Variants in RBFOX3 observed in about 807,000 individuals in gnomAD.
RBFOX3 encodes RNA binding protein fox-1 homolog 3.
A neutral mutation model predicts 48.7 loss-of-function variants in RBFOX3; 17 were observed. The observed-to-expected ratio is 0.35, with a 90% CI of 0.24 to 0.52. The LOEUF (loss-of-function observed/expected upper bound fraction) is 0.52, where lower values mean the gene tolerates loss of function less well. Ranked by LOEUF, RBFOX3 falls within the 20% of genes least tolerant of loss-of-function variation. RBFOX3 has a pLI of 0.94. For synonymous variants in RBFOX3, 212 were observed against 209.5 expected, an observed-to-expected ratio of 1.01 and a Z score of -0.10; for missense variants, 382 against 497.5, an observed-to-expected ratio of 0.77 and a Z score of 2.21.
intron 2 of RBFOX3, among the ~76,000 whole-genome samples, chr17:79,468,746 T>TAG (rs2076653479): frequency 6.8e-6 from 1 of 146,422 alleles, no homozygotes; most frequent in African/African-American, 2.5e-5. Context: ...GGCAGGCAGA[T>TAG]AGACAGGAGG....
At chr17:79,223,702 G>T (rs2147511299) in intron 4 of RBFOX3, among the ~76,000 whole-genome samples, 1 of 152,314 alleles carries the variant, frequency 6.6e-6, no homozygotes, top group South Asian at 2.1e-4. Flanking sequence ...AGAAAGAGGG[G>T]CCGGGGTGCA....
At chr17:79,197,499 C>T (rs1486081711) in intron 4 of RBFOX3, among the ~76,000 whole-genome samples, 1 of 150,980 alleles carries the variant, frequency 6.6e-6, no homozygotes, top group African/African-American at 2.4e-5. Context: ...AGCGATTCTC[C>T]TGCCTCAGCC....
chr17:79,610,611 G>A (rs2093951083), intron 1 of RBFOX3, among the ~76,000 whole-genome samples: 3 of 151,950 alleles, frequency 2.0e-5, no homozygotes. Context: ...CAGCCCCGGA[G>A]GGACCCAGGG....
intron 3 of RBFOX3, among the ~76,000 whole-genome samples, chr17:79,277,304 G>GC (rs1491482077): frequency 2.3e-4 from 8 of 34,654 alleles, no homozygotes; most frequent in Admixed American, 5.8e-4. Context: ...ATGGTGGGGA[G>GC]GGGGGGGGTA....
chr17:79,549,761 C>G (rs2090948847), intron 1 of RBFOX3, among the ~76,000 whole-genome samples: 1 of 152,170 alleles, frequency 6.6e-6, no homozygotes, highest in African/African-American at 2.4e-5. Flanking sequence ...ACCATGGGGC[C>G]AAATATCACA....
chr17:79,488,796 C>G (rs1168482335), intron 1 of RBFOX3, among the ~76,000 whole-genome samples: 6 of 152,200 alleles, frequency 3.9e-5, no homozygotes, highest in African/African-American at 1.4e-4. Flanking sequence ...AAGGGCTTTG[C>G]ACTAAATCAC....
the RBFOX3 span, among the ~76,000 whole-genome samples, chr17:79,632,781 G>A: frequency 6.6e-6 from 1 of 151,034 alleles, no homozygotes; most frequent in East Asian, 1.9e-4. Context: ...GCCTGATGGT[G>A]CACACCTGTG....
chr17:79,167,864 C>T (rs969385892), intron 4 of RBFOX3, among the ~76,000 whole-genome samples: 4 of 152,204 alleles, frequency 2.6e-5, no homozygotes, highest in Non-Finnish European at 2.9e-5. Flanking sequence ...AGAGCTCATC[C>T]GGGACCCTCC....
At chr17:79,654,279 G>C in the RBFOX3 span, among the ~76,000 whole-genome samples, 1 of 152,184 alleles carries the variant, frequency 6.6e-6, no homozygotes, top group African/African-American at 2.4e-5. Flanking sequence ...GGACTCTCCA[G>C]CCCCTGAGCC....
At chr17:79,174,160 C>A (rs918347077) in intron 4 of RBFOX3, among the ~76,000 whole-genome samples, 1 of 152,144 alleles carries the variant, frequency 6.6e-6, no homozygotes, top group South Asian at 2.1e-4. Context: ...GGTGAAAACA[C>A]CTGGTAGAAG....
the RBFOX3 span, among the ~76,000 whole-genome samples, chr17:79,618,297 A>G: frequency 6.6e-6 from 1 of 152,028 alleles, no homozygotes; most frequent in Non-Finnish European, 1.5e-5. Context: ...GCCGCAGTCC[A>G]CTCAGGGGCC....
chr17:79,185,149 CAG>C (rs757533768), intron 4 of RBFOX3, among the ~76,000 whole-genome samples: 36 of 152,304 alleles, frequency 2.4e-4, no homozygotes, highest in Non-Finnish European at 3.8e-4. Context: ...GGGAGGCAGA[CAG>C]GGGAAGAGAG....
intron 14 of RBFOX3, among the ~76,000 whole-genome samples, chr17:79,093,548 G>GAAA (rs72211592): frequency 4.3e-5 from 5 of 117,484 alleles, no homozygotes; most frequent in African/African-American, 1.5e-4. Context: ...GTTAAAAATT[G>GAAA]AAAAAAAAAA....
rs1301426984 is a variant in RBFOX3, at chr17:79,392,663, T to C, written c.-174-84839A>G. Reference sequence around the variant, plus strand: ...AGTGTGTGCAGTACCACACCCTCTCTTCCCGATATCTGGCAAGCATCGGGC... The same window carrying C: ...AGTGTGTGCAGTACCACACCCTCTCCTCCCGATATCTGGCAAGCATCGGGC... On this transcript the variant is annotated intron_variant, in intron 2 of 14. Coordinates refer to ENST00000693108, the MANE Select transcript of RBFOX3 (RefSeq NM_001350451.2). The surrounding 1 kb of genome is among the most constrained non-coding windows in gnomAD (Gnocchi z 5.0). Among the ~76,000 whole-genome samples the C allele has an allele frequency of 6.6e-6, 1 of 152,154 alleles. No individual in the cohort carries two copies. Among genetic ancestry groups the C allele is most frequent in the Non-Finnish European group, 1.5e-5 (1 of 68,032 alleles).
intron 4 of RBFOX3, among the ~76,000 whole-genome samples, chr17:79,147,719 C>T (rs1009672172): frequency 5.9e-5 from 9 of 152,228 alleles, no homozygotes; most frequent in African/African-American, 1.9e-4. Flanking sequence ...GGGCCTTGTC[C>T]GCCACCCACA....
chr17:79,378,628 C>T (rs918508771), intron 2 of RBFOX3, among the ~76,000 whole-genome samples: 5 of 152,142 alleles, frequency 3.3e-5, no homozygotes, highest in African/African-American at 7.2e-5. Flanking sequence ...GTGGGGGGCC[C>T]GGAAAAAGAA....
chr17:79,283,248 A>ATTCCTATG (rs1220266316), intron 3 of RBFOX3, among the ~76,000 whole-genome samples: 1 of 146,444 alleles, frequency 6.8e-6, no homozygotes, highest in Non-Finnish European at 1.5e-5. Flanking sequence ...CTAAGGTAAT[A>ATTCCTATG]TTCCTATGTT....
intron 2 of RBFOX3, among the ~76,000 whole-genome samples, chr17:79,426,017 G>C (rs1555725332): frequency 6.6e-6 from 1 of 152,126 alleles, no homozygotes; most frequent in Admixed American, 6.5e-5. Flanking sequence ...TGTGGAGGGG[G>C]AGAGAGCAAG....
intron 1 of RBFOX3, among the ~76,000 whole-genome samples, chr17:79,484,360 C>A (rs1366358507): frequency 6.6e-6 from 1 of 152,176 alleles, no homozygotes; most frequent in Admixed American, 6.5e-5. Context: ...GGTACAGAGC[C>A]CAGTGCCCAC....
Sources: allele counts gnomAD v4.1 joint callset (sites outside exome capture counted in the v4.1 genomes callset), GRCh38; gene constraint gnomAD v4.1.1; non-coding constraint Gnocchi (gnomAD v3.1); transcripts MANE v1.5; gene names NCBI Gene and HGNC (gene_info 2026-07-23, HGNC 2026-07-21).